Variants in LAMTOR4 observed in about 807,000 individuals in gnomAD.
The protein encoded by LAMTOR4 is late endosomal/lysosomal adaptor, MAPK and MTOR activator 4.
In LAMTOR4, 11 loss-of-function variants were observed where a neutral mutation model predicts 13.5. The ratio of observed to expected loss-of-function variants is 0.82; its 90% CI spans 0.51 to 1.35. The LOEUF (loss-of-function observed/expected upper bound fraction) is 1.35, where lower values mean the gene tolerates loss of function less well. Ranked by LOEUF, LAMTOR4 falls within the 40% of genes most tolerant of loss-of-function variation. LAMTOR4 has a pLI of 0.00. For synonymous variants in LAMTOR4, 69 were observed against 52.3 expected, an observed-to-expected ratio of 1.32 and a Z score of -1.38; for missense variants, 128 against 126.2, an observed-to-expected ratio of 1.01 and a Z score of -0.07.
At chr7:100,153,313 T>C (rs1798765682) in intron 2 of LAMTOR4, 87 bp from the exon 3 acceptor site, 7 of 924,046 alleles carry the variant, frequency 7.6e-6, no homozygotes, top group Non-Finnish European at 1.2e-5. Flanking sequence ...AGGGTCTAAG[T>C]GTGAGAACCA....
At position 100,148,956 on chromosome 7, in the gene LAMTOR4, C is replaced by T. The variant is rs371973401; in HGVS notation, c.-17C>T. The T allele has an allele frequency of 3.8e-5, 62 of 1,612,306 alleles. No individual in the cohort carries two copies. The African/African-American group carries it at 7.7e-4, about 20-fold the overall frequency. The stretch of plus-strand genomic sequence containing the variant: ...CTACCTATCTGGTAGGGAGCTCCCC[C>T]AGCACCGAAGACTGCGATGGTGAGT... On this transcript the variant is annotated 5_prime_UTR_variant, in exon 1 of 4. Coordinates refer to ENST00000341942, the MANE Select transcript of LAMTOR4 (RefSeq NM_001008395.4).
intron 2 of LAMTOR4, among the ~76,000 whole-genome samples, chr7:100,151,702 G>A (rs1798709052): frequency 6.7e-6 from 1 of 149,830 alleles, no homozygotes; most frequent in Admixed American, 6.6e-5. Context: ...TTTTTTGTTT[G>A]TTTGTTTTTT....
chr7:100,153,084 C>T (rs918628102), intron 2 of LAMTOR4, among the ~76,000 whole-genome samples: 1 of 151,112 alleles, frequency 6.6e-6, no homozygotes. Flanking sequence ...CACTTGAACC[C>T]GAGAGGCCGA....
Position 100,153,918 on chromosome 7 carries a change from T to C in LAMTOR4, c.254T>C (p.Phe85Ser). 1.3e-6 allele frequency: 2 copies of C among 1,596,322 alleles called. No homozygotes were observed. Among genetic ancestry groups the C allele is most frequent in the Non-Finnish European group, 1.7e-6 (2 of 1,172,228 alleles). ...GTGACGGTGTCAGGACAGAGGGTGTTTGTGGTGAAGAGGCAGAACCGAGGT... is the reference window on the plus strand; with the variant it reads ...GTGACGGTGTCAGGACAGAGGGTGTCTGTGGTGAAGAGGCAGAACCGAGGT... ...LLVTVSGQRVFVVKRQNRGRE... is the reference protein window; with the variant it reads ...LLVTVSGQRVSVVKRQNRGRE... Residue 85 changes from phenylalanine to serine, a missense_variant, in exon 4 of 4, where the codon TTT (phenylalanine) becomes TCT (serine). Transcript: ENST00000341942.
chr7:100,151,765 C>T (rs923472229), intron 2 of LAMTOR4, among the ~76,000 whole-genome samples: 2 of 151,496 alleles, frequency 1.3e-5, no homozygotes, highest in African/African-American at 4.9e-5. Context: ...GTAACGATCA[C>T]ATCTCATTGT....
Position 100,153,534 on chromosome 7 carries a change from G to A in LAMTOR4, c.202+17G>A, listed in dbSNP as rs1456350718. 2 of 1,597,290 alleles carry A rather than the reference G, an allele frequency of 1.3e-6. No individual in the cohort carries two copies. Among genetic ancestry groups the A allele is most frequent in the Non-Finnish European group, 1.7e-6 (2 of 1,173,272 alleles). ...GCCTGTCTGGTGAGCCCCTGCCCCT[G>A]CCCTTGGTGGTGGTACTGGGAGCGG... On this transcript the variant is annotated intron_variant, in intron 3 of 3. Coordinates refer to ENST00000341942, the MANE Select transcript of LAMTOR4 (RefSeq NM_001008395.4).
In LAMTOR4 at chr7:100,154,027, CA is replaced by C; in HGVS notation, c.*64del. 3 of 1,264,798 alleles carry C rather than the reference CA, an allele frequency of 2.4e-6. No homozygotes were observed. The highest frequency in any genetic ancestry group is 1.3e-5 in the South Asian group (1 of 78,232). 78.3% of individuals were successfully genotyped at this position (1,264,798 alleles called of 1,614,324 possible). On this transcript the variant is annotated 3_prime_UTR_variant, in exon 4 of 4. Coordinates refer to ENST00000341942, the MANE Select transcript of LAMTOR4 (RefSeq NM_001008395.4). ...TCCTGGGCCTCTGTGATGAGGCAGG[CA>C]CACCTGTCGGTCTTGGCTTGCTGCT...
At position 100,149,401 on chromosome 7, in the gene LAMTOR4, G is replaced by A. The variant is rs1798630193; in HGVS notation, c.4-98G>A. 26 of 828,222 alleles carry A rather than the reference G, an allele frequency of 3.1e-5. No individual in the cohort carries two copies. In the Middle Eastern group the frequency reaches 9.2e-4, roughly 29 times the overall value. The allele number at this position is 828,222 out of a possible 1,614,324, so 51.3% of individuals were successfully genotyped here. A position where few individuals can be genotyped will look rare whatever the true frequency, so the allele number is the denominator to read the frequency against. On this transcript the variant is annotated intron_variant, in intron 1 of 3. Transcript: ENST00000341942. ...CTGGCTGGGGAATGAGAAAACCTGG[G>A]GCCATCGTCAACCCAGAGACTTGGG...
In LAMTOR4 at chr7:100,149,362, G is replaced by A. The variant is rs532953183; in HGVS notation, c.4-137G>A. On this transcript the variant is annotated intron_variant, in intron 1 of 3. Coordinates refer to ENST00000341942, the MANE Select transcript of LAMTOR4 (RefSeq NM_001008395.4). ...ATTGAGGACCATGTAGGGGGGAGGG[G>A]GCCGGGAAGGGACCTGGCTGGGGAA... 9.3e-4 allele frequency: 657 copies of A among 706,162 alleles called. 1 individual carries two copies. The highest frequency in any genetic ancestry group is 1.5e-3 in the Non-Finnish European group (564 of 384,224). The allele number at this position is 706,162 out of a possible 1,614,324, so 43.7% of individuals were successfully genotyped here.
Position 100,154,093 on chromosome 7 carries a change from C to T in LAMTOR4, c.*129C>T. On this transcript the variant is annotated 3_prime_UTR_variant, in exon 4 of 4. Transcript: ENST00000341942. Reference sequence around the variant, plus strand: ...CTGCTCGCCCACCTCCCACCCCTACCTGGACGGGCCCAGGCTTGGGGACTC... The same window carrying T: ...CTGCTCGCCCACCTCCCACCCCTACTTGGACGGGCCCAGGCTTGGGGACTC... 1 of 709,986 alleles carries T rather than the reference C, an allele frequency of 1.4e-6. No homozygotes were observed. Among genetic ancestry groups the T allele is most frequent in the Non-Finnish European group, 2.5e-6 (1 of 401,582 alleles). The allele number at this position is 709,986 out of a possible 1,614,324, so 44.0% of individuals were successfully genotyped here.
intron 2 of LAMTOR4, among the ~76,000 whole-genome samples, chr7:100,151,791 G>A (rs1236025430): frequency 6.6e-6 from 1 of 151,328 alleles, no homozygotes; most frequent in Non-Finnish European, 1.5e-5. Flanking sequence ...TGAACTCCTG[G>A]GCCCAAGCAA....
rs751559189 is a variant in LAMTOR4, at chr7:100,153,930, G to A, written c.266G>A (p.Arg89Lys). 11 of 1,595,180 alleles carry A rather than the reference G, an allele frequency of 6.9e-6. No homozygotes were observed. Among genetic ancestry groups the A allele is most frequent in the Middle Eastern group, 3.3e-4 (2 of 6,062 alleles). ...GGACAGAGGGTGTTTGTGGTGAAGA[G>A]GCAGAACCGAGGTCGGGAGCCCATT... The part of the protein sequence containing the change: ...VSGQRVFVVK[R>K]QNRGREPIDV The change falls in exon 4 of 4, where the codon AGG becomes AAG. Residue 89 changes from arginine to lysine, a missense_variant. Transcript: ENST00000341942.
chr7:100,149,259 G>T lies in LAMTOR4; in HGVS notation c.4-240G>T, dbSNP rs1010069959. The T allele has an allele frequency of 4.1e-5, 25 of 606,262 alleles. No individual in the cohort carries two copies. In the African/African-American group the frequency reaches 4.3e-4, roughly 10 times the overall value. The allele number at this position is 606,262 out of a possible 1,614,324, so 37.6% of individuals were successfully genotyped here. A position where few individuals can be genotyped will look rare whatever the true frequency, so the allele number is the denominator to read the frequency against. ...AGTGGGGCAGCAAAGGCCCCTTGGGGTAGCAAAGGTGGGATGTGGAAGGCC... is the reference window on the plus strand; with the variant it reads ...AGTGGGGCAGCAAAGGCCCCTTGGGTTAGCAAAGGTGGGATGTGGAAGGCC... On this transcript the variant is annotated intron_variant, in intron 1 of 3. Coordinates refer to ENST00000341942, the MANE Select transcript of LAMTOR4 (RefSeq NM_001008395.4).
At chr7:100,151,258 A>T (rs1006945996) in intron 2 of LAMTOR4, among the ~76,000 whole-genome samples, 22 of 151,370 alleles carry the variant, frequency 1.5e-4, no homozygotes, top group Admixed American at 1.1e-3. Context: ...TATTTTTAGT[A>T]GAGAGAGGGT....
rs982404801 is a variant in LAMTOR4 at position 100,154,176 on chromosome 7, C to T, written c.*212C>T. 9.0e-6 allele frequency: 5 copies of T among 553,940 alleles called. No homozygotes were observed. Among genetic ancestry groups the T allele is most frequent in the African/African-American group, 7.6e-5 (4 of 52,922 alleles). 34.3% of individuals were successfully genotyped at this position (553,940 alleles called of 1,614,324 possible). A position where few individuals can be genotyped will look rare whatever the true frequency, so the allele number is the denominator to read the frequency against. ...ACCTCCCTTTGTGCTCCCTCACTCCCTAATAAACATGAGTCTGATGTTCTC... is the reference window on the plus strand; with the variant it reads ...ACCTCCCTTTGTGCTCCCTCACTCCTTAATAAACATGAGTCTGATGTTCTC... On this transcript the variant is annotated 3_prime_UTR_variant, in exon 4 of 4. Coordinates refer to ENST00000341942, the MANE Select transcript of LAMTOR4 (RefSeq NM_001008395.4).
chr7:100,149,426 G>A (rs1798631289), intron 1 of LAMTOR4, 73 bp from the exon 2 acceptor site: 1 of 1,030,256 alleles, frequency 9.7e-7, no homozygotes, highest in Non-Finnish European at 1.5e-6. Context: ...AGAGACTTGG[G>A]TTTGCAGGTG....
rs535053874 is a variant in LAMTOR4 at position 100,151,840 on chromosome 7, G to A, written c.85-1560G>A. On this transcript the variant is annotated intron_variant, in intron 2 of 3. Transcript: ENST00000341942. ...GCATCCCAAGTAACTAGAACTACAG[G>A]CAAGCACCACCACGCCCAGCCATTA... 6.7e-5 allele frequency among the ~76,000 whole-genome samples: 10 copies of A among 149,978 alleles called. No individual in the cohort carries two copies. In the South Asian group the frequency reaches 2.1e-3, roughly 32 times the overall value.
At chr7:100,151,556 TTTTTTGTA>T (rs1185834228) in intron 2 of LAMTOR4, among the ~76,000 whole-genome samples, 1 of 151,570 alleles carries the variant, frequency 6.6e-6, no homozygotes, top group Non-Finnish European at 1.5e-5. Flanking sequence ...GCCCGGCTAC[TTTTTTGTA>T]TTTTTAGTAG....
intron 3 of LAMTOR4, 65 bp downstream of exon 3, chr7:100,153,582 C>G: frequency 7.2e-7 from 1 of 1,388,196 alleles, no homozygotes; most frequent in Non-Finnish European, 1.0e-6. Flanking sequence ...AGGGGCTTCT[C>G]GGCTTCTCTT....
Sources: allele counts gnomAD v4.1 joint callset (sites outside exome capture counted in the v4.1 genomes callset), GRCh38; gene constraint gnomAD v4.1.1; transcripts MANE v1.5; gene names NCBI Gene and HGNC (gene_info 2026-07-23, HGNC 2026-07-21).